The following ST8SIA5 variants were observed in gnomAD, a reference collection of about 807,000 sequenced individuals.
The protein encoded by ST8SIA5 is ST8 alpha-N-acetyl-neuraminide alpha-2,8-sialyltransferase 5, also known as alpha-2,8-sialyltransferase 8E.
In ST8SIA5, 24 loss-of-function variants were observed where a neutral mutation model predicts 40.2. That is an observed-to-expected ratio of 0.60 (90% CI 0.43 to 0.84). The LOEUF (loss-of-function observed/expected upper bound fraction) is 0.84. Among genes scored for constraint, ST8SIA5 ranks in the 40% least tolerant of loss-of-function variants. ST8SIA5 has a pLI of 0.00. For missense variants in ST8SIA5, 465 were observed against 498.5 expected (o/e 0.93, Z 0.64); for synonymous variants, 198 against 201.8 (o/e 0.98, Z 0.16).
chr18:46,741,429 G>T (rs1323595204), intron 1 of ST8SIA5, among the ~76,000 whole-genome samples: 1 of 152,180 alleles, frequency 6.6e-6, no homozygotes, highest in South Asian at 2.1e-4. Flanking sequence ...GGTGCAGATG[G>T]TTGTAGAGGT....
At position 46,744,589 on chromosome 18, in the gene ST8SIA5, G is replaced by A. The variant is rs1044598370; in HGVS notation, c.131+11789C>T. On this transcript the variant is annotated intron_variant, in intron 1 of 6. Transcript: ENST00000315087. ...GCAAGTCCTTAGATACCTACAAAGA[G>A]ACTTAGACTCCCACACAATAATAAT... is the stretch of plus-strand genomic sequence containing the variant. 2.0e-5 allele frequency among the ~76,000 whole-genome samples: 3 copies of A among 152,138 alleles called. No homozygotes were observed. In the East Asian group the frequency reaches 5.8e-4, roughly 29 times the overall value.
chr18:46,726,415 T>C (rs1375459279), intron 1 of ST8SIA5, among the ~76,000 whole-genome samples: 1 of 151,822 alleles, frequency 6.6e-6, no homozygotes, highest in South Asian at 2.1e-4. Context: ...GCAAACAAGA[T>C]AGGGCAAAAT....
In ST8SIA5 at chr18:46,717,591, C is replaced by T. The variant is rs1391536560; in HGVS notation, c.132-12927G>A. On this transcript the variant is annotated intron_variant, in intron 1 of 6. Coordinates refer to ENST00000315087, the MANE Select transcript of ST8SIA5 (RefSeq NM_013305.6). ...CAACTGTCAGTCTTCCTTTTCCCACCCAGAAGCCCACAAATGTCAGCCTGC... is the reference window on the plus strand; with the variant it reads ...CAACTGTCAGTCTTCCTTTTCCCACTCAGAAGCCCACAAATGTCAGCCTGC... Among the ~76,000 whole-genome samples, 5 of 152,234 alleles carry T rather than the reference C, an allele frequency of 3.3e-5. No homozygotes were observed. In the East Asian group the frequency reaches 7.7e-4, roughly 24 times the overall value.
intron 5 of ST8SIA5, among the ~76,000 whole-genome samples, chr18:46,683,179 T>C (rs2039414592): frequency 2.6e-5 from 4 of 152,122 alleles, no homozygotes; most frequent in African/African-American, 9.7e-5. Flanking sequence ...AGCGATACCT[T>C]CAGGGGGAAA....
intron 1 of ST8SIA5, among the ~76,000 whole-genome samples, chr18:46,725,454 G>C (rs2039907457): frequency 2.0e-5 from 3 of 152,036 alleles, no homozygotes; most frequent in Non-Finnish European, 2.9e-5. Flanking sequence ...TCACATGGCA[G>C]TCCCCTCCCA....
At chr18:46,702,204 T>C (rs938020384) in intron 2 of ST8SIA5, among the ~76,000 whole-genome samples, 1 of 151,716 alleles carries the variant, frequency 6.6e-6, no homozygotes, top group Non-Finnish European at 1.5e-5. Context: ...GAAGGTGTGC[T>C]TTCAATCACA....
At chr18:46,724,597 G>A (rs984284380) in intron 1 of ST8SIA5, among the ~76,000 whole-genome samples, 1 of 152,220 alleles carries the variant, frequency 6.6e-6, no homozygotes, top group Non-Finnish European at 1.5e-5. Flanking sequence ...GGTTTATTCA[G>A]AAGAGAGACA....
chr18:46,738,956 C>G (rs1347751910), intron 1 of ST8SIA5, among the ~76,000 whole-genome samples: 5 of 152,122 alleles, frequency 3.3e-5, no homozygotes, highest in African/African-American at 1.2e-4. Flanking sequence ...GAGAGGAAGG[C>G]TGGAGGGAAG....
At chr18:46,712,566 C>T (rs1456034430) in intron 1 of ST8SIA5, among the ~76,000 whole-genome samples, 3 of 152,326 alleles carry the variant, frequency 2.0e-5, no homozygotes, top group African/African-American at 7.2e-5. Context: ...TGCCTGCAGC[C>T]CCTGGGCACT....
intron 5 of ST8SIA5, among the ~76,000 whole-genome samples, chr18:46,685,620 G>T (rs911095309): frequency 6.6e-6 from 1 of 152,062 alleles, no homozygotes; most frequent in South Asian, 2.1e-4. Flanking sequence ...TGCTTCATGC[G>T]ACCCCACTGC....
rs2039345523 is a variant in ST8SIA5 at position 46,677,287 on chromosome 18, G to C, written c.*2755C>G. 1 of 9,580 alleles carries C rather than the reference G, an allele frequency of 1.0e-4. No homozygotes were observed. Among genetic ancestry groups the C allele is most frequent in the Non-Finnish European group, 2.4e-4 (1 of 4,088 alleles). The allele number at this position is 9,580 out of a possible 1,614,324, so 0.6% of individuals were successfully genotyped here. A position where few individuals can be genotyped will look rare whatever the true frequency, so the allele number is the denominator to read the frequency against. The stretch of plus-strand genomic sequence containing the variant: ...GGAGCACAGACTTTGGGGCTCTACA[G>C]ATCTGGGTGCAGTTCCCTCCATTGG... On this transcript the variant is annotated 3_prime_UTR_variant, in exon 7 of 7. Transcript: ENST00000315087.
intron 3 of ST8SIA5, chr18:46,691,639 C>A (rs2039506398): frequency 6.4e-6 from 1 of 155,124 alleles, no homozygotes; most frequent in South Asian, 2.0e-4. Context: ...CCAGCTCTTA[C>A]CTCTCTGGAA....
intron 1 of ST8SIA5, among the ~76,000 whole-genome samples, chr18:46,745,848 C>T (rs534856824): frequency 3.9e-5 from 6 of 152,318 alleles, no homozygotes; most frequent in Non-Finnish European, 5.9e-5. Flanking sequence ...TCCAGCAGCA[C>T]ATCAAAAAGC....
At chr18:46,732,141 A>C (rs2039990993) in intron 1 of ST8SIA5, among the ~76,000 whole-genome samples, 1 of 152,256 alleles carries the variant, frequency 6.6e-6, no homozygotes, top group Non-Finnish European at 1.5e-5. Context: ...AACACTGTGC[A>C]GACCAAATAC....
chr18:46,716,615 C>T (rs1335270613), intron 1 of ST8SIA5, among the ~76,000 whole-genome samples: 1 of 152,202 alleles, frequency 6.6e-6, no homozygotes, highest in African/African-American at 2.4e-5. Flanking sequence ...GCCAGTGAGG[C>T]CAGCCAAGGA....
intron 1 of ST8SIA5, among the ~76,000 whole-genome samples, chr18:46,715,927 G>A (rs2039784128): frequency 1.3e-5 from 2 of 151,828 alleles, no homozygotes; most frequent in Admixed American, 6.6e-5. Context: ...TTTTTATTAT[G>A]GTCTAACAGC....
chr18:46,679,871 G>C lies in ST8SIA5; in HGVS notation c.*171C>G. ...CTCAGCACAGAGCTGACTCTGCCCCGGTTCCTAACCCTGCCTCCCTACCCC... is the reference window on the plus strand; with the variant it reads ...CTCAGCACAGAGCTGACTCTGCCCCCGTTCCTAACCCTGCCTCCCTACCCC... On this transcript the variant is annotated 3_prime_UTR_variant, in exon 7 of 7. Transcript: ENST00000315087. The C allele has an allele frequency of 1.4e-6, 1 of 700,732 alleles. No individual in the cohort carries two copies. Among genetic ancestry groups the C allele is most frequent in the Non-Finnish European group, 2.3e-6 (1 of 429,668 alleles). The allele number at this position is 700,732 out of a possible 1,614,324, so 43.4% of individuals were successfully genotyped here. A position where few individuals can be genotyped will look rare whatever the true frequency, so the allele number is the denominator to read the frequency against.
At chr18:46,707,366 C>T (rs1255437633) in intron 1 of ST8SIA5, among the ~76,000 whole-genome samples, 3 of 152,018 alleles carry the variant, frequency 2.0e-5, no homozygotes, top group African/African-American at 4.8e-5. Flanking sequence ...GTAAAACTTC[C>T]CCTCTCTGCA....
intron 1 of ST8SIA5, among the ~76,000 whole-genome samples, chr18:46,716,984 C>T (rs1276687128): frequency 6.6e-6 from 1 of 152,232 alleles, no homozygotes; most frequent in Admixed American, 6.5e-5. Flanking sequence ...ATGGGCCAGG[C>T]TGACAGTCAG....
Sources: gnomAD v4.1 joint callset for allele counts (sites outside exome capture counted in the v4.1 genomes callset) on GRCh38, gnomAD v4.1.1 for gene constraint, MANE v1.5 for transcripts, NCBI Gene and HGNC (gene_info 2026-07-23, HGNC 2026-07-21) for gene names.